LCT: variants seen among roughly 807,000 people sequenced by gnomAD.
LCT encodes lactase.
Under a neutral mutation model 173.0 loss-of-function variants are expected in LCT, and 90 were observed. The observed-to-expected ratio is 0.52, with a 90% CI of 0.44 to 0.62. LCT has a LOEUF of 0.62. Among genes scored for constraint, LCT ranks in the 20% least tolerant of loss-of-function variants. The pLI is 0.00. For missense variants in LCT, 1,864 were observed against 2,431.4 expected (o/e 0.77, Z 4.91); for synonymous variants, 853 against 957.6 (o/e 0.89, Z 2.02).
Position 135,803,610 on chromosome 2 carries a change from T to C in LCT, c.4663+320A>G, listed in dbSNP as rs186052215. The stretch of plus-strand genomic sequence containing the variant: ...CTTTGGGGTTTGGGAATTGTGGAAA[T>C]AGACTGTAGACCTGTACAGCCTGAC... On this transcript the variant is annotated intron_variant, in intron 11 of 16. Transcript: ENST00000264162. Among the ~76,000 whole-genome samples, 138 of 152,316 alleles carry C rather than the reference T, an allele frequency of 9.1e-4. 1 individual carries two copies. Among genetic ancestry groups the C allele is most frequent in the Middle Eastern group, 6.8e-3 (2 of 294 alleles).
chr2:135,812,570 G>A lies in LCT; in HGVS notation c.2094C>T (p.Thr698=). 1 of 1,613,654 alleles carries A rather than the reference G, an allele frequency of 6.2e-7. No individual in the cohort carries two copies. Among genetic ancestry groups the A allele is most frequent in the Non-Finnish European group, 8.5e-7 (1 of 1,179,546 alleles). ...SRLISNAPQN[T]CIPSYDTIGG... is the part of the protein sequence containing the mutation. ...CAATGGTATCATAGCTAGGGATGCA[G>A]GTGTTTTGTGGGGCGTTGCTGATGA... The change falls in exon 7 of 17, where the codon ACC becomes ACT. Residue 698 remains threonine, a synonymous_variant. Transcript: ENST00000264162.
At chr2:135,823,810 TCCCATTGGAACC>T in intron 4 of LCT, 79 bp downstream of exon 4, 2 of 857,424 alleles carry the variant, frequency 2.3e-6, no homozygotes, top group Non-Finnish European at 3.9e-6. Flanking sequence ...ATGCTCCTCC[TCCCATTGGAACC>T]CCGGACTTTC....
rs1679382011 is a variant in LCT at position 135,836,387 on chromosome 2, C to T, written c.640+143G>A. 4 of 797,950 alleles carry T rather than the reference C, an allele frequency of 5.0e-6. No homozygotes were observed. In the East Asian group the frequency reaches 9.8e-5, roughly 20 times the overall value. 49.4% of individuals were successfully genotyped at this position (797,950 alleles called of 1,614,324 possible). On this transcript the variant is annotated intron_variant, in intron 1 of 16. Transcript: ENST00000264162. ...CTATCGCCAGTGGGAAATCAATTTA[C>T]AATATTAATTTCTCCCTATGCACAG...
intron 9 of LCT, among the ~76,000 whole-genome samples, chr2:135,806,326 T>A (rs2077670843): frequency 6.6e-6 from 1 of 152,166 alleles, no homozygotes; most frequent in Admixed American, 6.5e-5. Context: ...TAAAAAAGTT[T>A]AAAGAATTAA....
chr2:135,809,671 C>T lies in LCT; in HGVS notation c.2676G>A (p.Lys892=). Reference sequence around the variant, plus strand: ...CGTGGTAGAACAAATCTCTTTCGAACTTGGGTTGGCTGGAGAACTTTTCCC... The same window carrying T: ...CGTGGTAGAACAAATCTCTTTCGAATTTGGGTTGGCTGGAGAACTTTTCCC... ...VVWEKFSSQP[K]FERDLFYHGT... is the part of the protein sequence containing the mutation. The change falls in exon 8 of 17, where the codon AAG becomes AAA. Residue 892 remains lysine (K), a synonymous_variant. Transcript: ENST00000264162. This position sits in a 1 kb window ranked among gnomAD's most constrained non-coding sequence, Gnocchi z 5.5. The T allele has an allele frequency of 1.2e-6, 2 of 1,614,230 alleles. No individual in the cohort carries two copies. Among genetic ancestry groups the T allele is most frequent in the Non-Finnish European group, 1.7e-6 (2 of 1,180,048 alleles).
intron 1 of LCT, among the ~76,000 whole-genome samples, chr2:135,834,787 C>CAAAAAA (rs60298631): frequency 0.034 from 1,112 of 33,040 alleles, 58 homozygotes; most frequent in African/African-American, 0.054. Context: ...GACTCCATCT[C>CAAAAAA]AAAAAAAAAA....
intron 11 of LCT, among the ~76,000 whole-genome samples, chr2:135,802,807 T>A (rs1183841472): frequency 6.6e-6 from 1 of 151,954 alleles, no homozygotes; most frequent in East Asian, 1.9e-4. Context: ...CACTGTAGAG[T>A]GAATGTAGTT....
Position 135,788,016 on chromosome 2 carries a change from C to G in LCT, c.*308G>C. On this transcript the variant is annotated 3_prime_UTR_variant, in exon 17 of 17. Coordinates refer to ENST00000264162, the MANE Select transcript of LCT (RefSeq NM_002299.4). ...TTAACAACCCTTAACAACTCTGAAA[C>G]TTAAAACAGCCCTGTTAAGTTCAAT... 1 of 393,592 alleles carries G rather than the reference C, an allele frequency of 2.5e-6. No individual in the cohort carries two copies. Among genetic ancestry groups the G allele is most frequent in the Non-Finnish European group, 4.8e-6 (1 of 210,398 alleles). 24.4% of individuals were successfully genotyped at this position (393,592 alleles called of 1,614,324 possible).
intron 13 of LCT, among the ~76,000 whole-genome samples, chr2:135,796,214 C>T (rs962218220): frequency 2.0e-5 from 3 of 152,186 alleles, no homozygotes; most frequent in Admixed American, 6.5e-5. Flanking sequence ...TAGGTGTGGC[C>T]CAGAGATGCC....
chr2:135,796,302 G>A (rs1448977499), intron 13 of LCT, among the ~76,000 whole-genome samples: 1 of 152,192 alleles, frequency 6.6e-6, no homozygotes, highest in Admixed American at 6.5e-5. Flanking sequence ...TCCTTCCCTG[G>A]GGTTTCTGAG....
chr2:135,823,132 A>G (rs1351132040), intron 4 of LCT: 1 of 153,442 alleles, frequency 6.5e-6, no homozygotes, highest in East Asian at 1.9e-4. Flanking sequence ...AACACAAGAC[A>G]GACTAAGACA....
intron 6 of LCT, 145 bp downstream of exon 6, chr2:135,817,196 T>C (rs2077786908): frequency 1.0e-6 from 1 of 996,210 alleles, no homozygotes; most frequent in South Asian, 1.6e-5. Flanking sequence ...TAATTAACAA[T>C]TTATGGTTCC....
rs774156618 is a variant in LCT at position 135,790,692 on chromosome 2, G to C, written c.5301C>G (p.Tyr1767Ter). The C allele has an allele frequency of 6.2e-7, 1 of 1,612,996 alleles. No individual in the cohort carries two copies. Among genetic ancestry groups the C allele is most frequent in the Non-Finnish European group, 8.5e-7 (1 of 1,179,818 alleles). ...ETDLNDTARI[Y>*]YLRTYINEAL... is the part of the protein sequence containing the mutation. ...CCTCATTGATGTAAGTCCGAAGGTA[G>C]TAGATCCTTGCAGTGTCATTGAGGT... The change falls in exon 15 of 17, where the codon TAC (tyrosine) becomes TAG (stop). Residue 1767 changes from tyrosine to a stop codon, truncating the protein, a stop_gained. Coordinates refer to ENST00000264162, the MANE Select transcript of LCT (RefSeq NM_002299.4). LOFTEE classifies it high-confidence loss of function. The surrounding 1 kb of genome is among the most constrained non-coding windows in gnomAD (Gnocchi z 4.1).
intron 3 of LCT, among the ~76,000 whole-genome samples, chr2:135,825,726 G>A (rs2077883943): frequency 6.6e-6 from 1 of 152,216 alleles, no homozygotes; most frequent in African/African-American, 2.4e-5. Context: ...GGCCGCTGAG[G>A]GCCCCTGAGG....
Position 135,836,866 on chromosome 2 carries a change from T to C in LCT, c.304A>G (p.Thr102Ala), listed in dbSNP as rs1679413909. Residue 102 changes from threonine to alanine, a missense_variant, in exon 1 of 17, where the codon ACC becomes GCC. Coordinates refer to ENST00000264162, the MANE Select transcript of LCT (RefSeq NM_002299.4). ...ACTGTTTTCTCGTCTGGATTCTGGG[T>C]GCTTCCTGCTGGGAGGAGCTGTGCC... ...SWAQLLPAGS[T>A]QNPDEKTVQC... The C allele has an allele frequency of 1.2e-6, 2 of 1,614,168 alleles. No homozygotes were observed. The highest frequency in any genetic ancestry group is 1.7e-6 in the Non-Finnish European group (2 of 1,180,030).
At chr2:135,824,140 A>G (rs936773112) in intron 3 of LCT, 137 bp from the exon 4 acceptor site, 1 of 707,884 alleles carries the variant, frequency 1.4e-6, no homozygotes, top group Non-Finnish European at 2.6e-6. Context: ...CAGTTAATTA[A>G]AGGAGTCAAC....
At position 135,792,643 on chromosome 2, in the gene LCT, G is replaced by C. The variant is rs1255321216; in HGVS notation, c.5112-1762C>G. On this transcript the variant is annotated intron_variant, in intron 14 of 16. Coordinates refer to ENST00000264162, the MANE Select transcript of LCT (RefSeq NM_002299.4). ...GCTTTCCCAACTTCCCTAGCAACCTGTATGACACAGCAGAGGAAGCCATAA... is the reference window on the plus strand; with the variant it reads ...GCTTTCCCAACTTCCCTAGCAACCTCTATGACACAGCAGAGGAAGCCATAA... Among the ~76,000 whole-genome samples the C allele has an allele frequency of 2.6e-5, 4 of 152,144 alleles. No individual in the cohort carries two copies. The East Asian group carries it at 7.7e-4, about 29-fold the overall frequency.
chr2:135,802,886 C>T (rs565013580), intron 11 of LCT, among the ~76,000 whole-genome samples: 87 of 151,936 alleles, frequency 5.7e-4, no homozygotes, highest in African/African-American at 1.9e-3. Flanking sequence ...CTGAGGCGGG[C>T]GGATTACCTG....
intron 2 of LCT, among the ~76,000 whole-genome samples, chr2:135,831,991 T>C (rs975275352): frequency 2.0e-5 from 3 of 152,062 alleles, no homozygotes; most frequent in African/African-American, 4.8e-5. Flanking sequence ...CCGAGGCAGG[T>C]GGATTACCTG....
Sources: allele counts gnomAD v4.1 joint callset (sites outside exome capture counted in the v4.1 genomes callset), GRCh38; gene constraint gnomAD v4.1.1; non-coding constraint Gnocchi (gnomAD v3.1); transcripts MANE v1.5; gene names NCBI Gene and HGNC (gene_info 2026-07-23, HGNC 2026-07-21).